The following NF2 variants were observed in gnomAD, a reference collection of about 807,000 sequenced individuals.
NF2 encodes NF2, moesin-ezrin-radixin like (MERLIN) tumor suppressor, also known as merlin.
NF2 carries 8 observed loss-of-function variants against 83.7 expected under a neutral mutation model. The ratio of observed to expected loss-of-function variants is 0.10; its 90% confidence interval spans 0.06 to 0.17. The LOEUF (loss-of-function observed/expected upper bound fraction) is 0.17. NF2 is among the 10% of genes least tolerant of loss of function. The probability of loss-of-function intolerance (pLI) is 1.00; values close to 1 mark genes in which losing one functional copy is unlikely to be tolerated. For synonymous variants in NF2, 266 were observed against 269.6 expected (o/e 0.99, Z 0.13); for missense variants, 533 against 744.4 (o/e 0.72, Z 3.31).
Position 29,664,977 on chromosome 22 carries a change from T to C in NF2, c.811-13T>C. Reference sequence around the variant, plus strand: ...CTGTCGGACTGAAACTGTGTTCTGCTTCATTCTTCCAGTTTACTATTAAAC... The same window carrying C: ...CTGTCGGACTGAAACTGTGTTCTGCCTCATTCTTCCAGTTTACTATTAAAC... On this transcript the variant is annotated splice_polypyrimidine_tract_variant and intron_variant, in intron 8 of 15. Transcript: ENST00000338641. 4 of 1,598,718 alleles carry C rather than the reference T, an allele frequency of 2.5e-6. No homozygotes were observed. The highest frequency in any genetic ancestry group is 3.4e-6 in the Non-Finnish European group (4 of 1,166,254).
intron 11 of NF2, 129 bp downstream of exon 11, chr22:29,672,077 A>C: frequency 7.2e-7 from 1 of 1,390,898 alleles, no homozygotes; most frequent in Non-Finnish European, 1.0e-6. Context: ...GCTTTGAAAA[A>C]ATCAGTGCCT....
At chr22:29,672,462 C>T (rs1407734683) in intron 11 of NF2, among the ~76,000 whole-genome samples, 1 of 151,990 alleles carries the variant, frequency 6.6e-6, no homozygotes, top group Non-Finnish European at 1.5e-5. Context: ...TACAGGCATG[C>T]ATCACCATGC....
intron 1 of NF2, among the ~76,000 whole-genome samples, chr22:29,626,000 A>G (rs1328893860): frequency 6.6e-6 from 1 of 152,204 alleles, no homozygotes; most frequent in Non-Finnish European, 1.5e-5. Flanking sequence ...ACTGAAGCCC[A>G]AAGTAATTAC....
intron 13 of NF2, among the ~76,000 whole-genome samples, chr22:29,677,164 C>A (rs2066989335): frequency 6.6e-6 from 1 of 152,170 alleles, no homozygotes; most frequent in South Asian, 2.1e-4. Context: ...AAAGAAGATA[C>A]AGCCAAAAAG....
At chr22:29,658,411 C>A (rs1174739562) in intron 7 of NF2, 147 bp downstream of exon 7, 4 of 781,364 alleles carry the variant, frequency 5.1e-6, no homozygotes, top group Non-Finnish European at 8.9e-6. Flanking sequence ...AAAGAGAGGT[C>A]TTAGTGCCTA....
chr22:29,687,501 G>C (rs146301996), intron 15 of NF2, among the ~76,000 whole-genome samples: 1 of 152,174 alleles, frequency 6.6e-6, no homozygotes, highest in Non-Finnish European at 1.5e-5. Context: ...TTGCATATGC[G>C]GGAAAGGTGT....
intron 15 of NF2, among the ~76,000 whole-genome samples, chr22:29,692,160 G>T (rs1273390474): frequency 6.6e-6 from 1 of 152,178 alleles, no homozygotes; most frequent in Non-Finnish European, 1.5e-5. Context: ...AGTGCAGCCA[G>T]GTCGTGGCTG....
intron 15 of NF2, chr22:29,684,194 T>G (rs1304772400): frequency 6.4e-6 from 1 of 157,242 alleles, no homozygotes; most frequent in Non-Finnish European, 1.4e-5. Flanking sequence ...ATGAACCCTG[T>G]TTTGTATGCG....
chr22:29,652,361 A>G (rs1164234324), intron 4 of NF2, among the ~76,000 whole-genome samples: 2 of 152,064 alleles, frequency 1.3e-5, no homozygotes, highest in Admixed American at 6.5e-5. Flanking sequence ...CTGTAGTGCA[A>G]TGGCATGATC....
At chr22:29,651,408 GA>G (rs899815100) in intron 4 of NF2, among the ~76,000 whole-genome samples, 5 of 152,182 alleles carry the variant, frequency 3.3e-5, no homozygotes, top group African/African-American at 1.2e-4. Context: ...TTTAATGCAA[GA>G]GTACCAAATT....
intron 1 of NF2, among the ~76,000 whole-genome samples, chr22:29,627,835 T>A (rs544131272): frequency 2.0e-5 from 3 of 152,270 alleles, no homozygotes; most frequent in African/African-American, 7.2e-5. Flanking sequence ...CTGTGGAAAA[T>A]TTTCTTCTTT....
chr22:29,654,595 T>G (rs1373831761), intron 4 of NF2, 62 bp from the exon 5 acceptor site: 1 of 1,400,238 alleles, frequency 7.1e-7, no homozygotes, highest in Non-Finnish European at 1.0e-6. Context: ...GGTCCAGCTC[T>G]GTTCAGAAAT....
At chr22:29,634,110 G>A (rs896682824) in intron 1 of NF2, among the ~76,000 whole-genome samples, 38 of 152,336 alleles carry the variant, frequency 2.5e-4, no homozygotes, top group African/African-American at 9.1e-4. Context: ...GTTTGCCTAT[G>A]TTAGATCACC....
At chr22:29,647,273 G>C (rs1316487875) in intron 4 of NF2, among the ~76,000 whole-genome samples, 1 of 152,152 alleles carries the variant, frequency 6.6e-6, no homozygotes, top group Non-Finnish European at 1.5e-5. Context: ...GGGAAGCTTA[G>C]TTTCTTAGTA....
chr22:29,660,644 A>T (rs569891468), intron 7 of NF2, among the ~76,000 whole-genome samples: 1 of 152,140 alleles, frequency 6.6e-6, no homozygotes, highest in Non-Finnish European at 1.5e-5. Context: ...ATCTCAGCTC[A>T]CTGCAGCCTT....
chr22:29,654,772 T>C lies in NF2; in HGVS notation c.516+47T>C, dbSNP rs769583689. On this transcript the variant is annotated intron_variant, in intron 5 of 15. Coordinates refer to ENST00000338641, the MANE Select transcript of NF2 (RefSeq NM_000268.4). Reference sequence around the variant, plus strand: ...TCAGGAAGACATAGCAGATATGTGGTCTAAAAGAAAGCTAACCAAAGGACT... The same window carrying C: ...TCAGGAAGACATAGCAGATATGTGGCCTAAAAGAAAGCTAACCAAAGGACT... 4.2e-6 allele frequency: 6 copies of C among 1,444,954 alleles called. No homozygotes were observed. In the South Asian group the frequency reaches 6.8e-5, roughly 16 times the overall value. The allele number at this position is 1,444,954 out of a possible 1,614,324, so 89.5% of individuals were successfully genotyped here. A position where few individuals can be genotyped will look rare whatever the true frequency, so the allele number is the denominator to read the frequency against.
intron 13 of NF2, 80 bp downstream of exon 13, chr22:29,675,021 C>A: frequency 7.9e-7 from 1 of 1,261,570 alleles, no homozygotes; most frequent in Non-Finnish European, 1.1e-6. Context: ...GTTCATCTGG[C>A]GGTGCCTTCA....
At chr22:29,632,494 T>C (rs2065541656) in intron 1 of NF2, among the ~76,000 whole-genome samples, 1 of 152,216 alleles carries the variant, frequency 6.6e-6, no homozygotes, top group Admixed American at 6.5e-5. Flanking sequence ...CTGGGGTTTT[T>C]ATGTGTGCGA....
At chr22:29,642,137 G>T (rs2065827196) in intron 3 of NF2, 65 bp from the exon 4 acceptor site, 1 of 1,304,106 alleles carries the variant, frequency 7.7e-7, no homozygotes, top group South Asian at 1.2e-5. Context: ...GCCATCTGTT[G>T]TGATCAGCCT....
Sources: gnomAD v4.1 joint callset for allele counts (sites outside exome capture counted in the v4.1 genomes callset) on GRCh38, gnomAD v4.1.1 for gene constraint, MANE v1.5 for transcripts, NCBI Gene and HGNC (gene_info 2026-07-23, HGNC 2026-07-21) for gene names.